The following CEP112 variants were observed in gnomAD, a reference collection of about 807,000 sequenced individuals.
CEP112 encodes the protein centrosomal protein of 112 kDa.
Under a neutral mutation model 153.0 loss-of-function variants are expected in CEP112, and 127 were observed. The ratio of observed to expected loss-of-function variants is 0.83; its 90% CI spans 0.72 to 0.96. CEP112 has a LOEUF of 0.96. Among genes scored for constraint, CEP112 ranks in the 40% least tolerant of loss-of-function variants. The pLI is 0.00. For synonymous variants in CEP112, 358 were observed against 374.4 expected (o/e 0.96, Z 0.51); for missense variants, 1,089 against 1,101.2 (o/e 0.99, Z 0.16).
intron 19 of CEP112, among the ~76,000 whole-genome samples, chr17:65,906,632 TCTA>T (rs1020105101): frequency 2.6e-5 from 4 of 152,190 alleles, no homozygotes; most frequent in African/African-American, 9.7e-5. Context: ...CCCATATTAT[TCTA>T]CTATTGGCAA....
At chr17:65,995,556 T>C (rs12939974) in intron 17 of CEP112, among the ~76,000 whole-genome samples, 89,751 of 152,154 alleles carry the variant, frequency 0.59, 27,877 homozygotes, top group African/African-American at 0.73. Context: ...GCTCTTGTTC[T>C]AGGGCCCACC....
At chr17:66,049,985 T>C (rs1220885376) in intron 12 of CEP112, among the ~76,000 whole-genome samples, 1 of 148,398 alleles carries the variant, frequency 6.7e-6, no homozygotes, top group African/African-American at 2.4e-5. Context: ...AAAGAAATAA[T>C]GATTGTAAAT....
At chr17:66,010,949 G>C (rs1245378719) in intron 16 of CEP112, among the ~76,000 whole-genome samples, 2 of 151,966 alleles carry the variant, frequency 1.3e-5, no homozygotes, top group Non-Finnish European at 2.9e-5. Context: ...TAAGGTTTTG[G>C]TATCAGTATG....
In CEP112 at chr17:65,976,735, C is replaced by CTTTTT. The variant is rs771108755; in HGVS notation, c.1737-15142_1737-15138dup. On this transcript the variant is annotated intron_variant, in intron 17 of 26. Coordinates refer to ENST00000535342, the MANE Select transcript of CEP112 (RefSeq NM_001199165.4). ...TTTTAAAGTAAACTTATAACTTTTT[C>CTTTTT]TTTTTTTTTTTTTTTTTTTGAGACA... 4.9e-4 allele frequency among the ~76,000 whole-genome samples: 42 copies of CTTTTT among 85,326 alleles called. 1 individual carries two copies. Among genetic ancestry groups the CTTTTT allele is most frequent in the Non-Finnish European group, 6.9e-4 (30 of 43,706 alleles). The allele number at this position is 85,326 out of a possible 152,430, so 56.0% of individuals were successfully genotyped here. A position where few individuals can be genotyped will look rare whatever the true frequency, so the allele number is the denominator to read the frequency against.
chr17:66,053,961 T>C, intron 11 of CEP112, 82 bp from the exon 12 acceptor site: 4 of 1,097,622 alleles, frequency 3.6e-6, no homozygotes, highest in Non-Finnish European at 5.2e-6. Context: ...ATGGTTTCTA[T>C]ATTCCTCTAT....
intron 21 of CEP112, among the ~76,000 whole-genome samples, chr17:65,831,563 A>G (rs2057081594): frequency 6.6e-6 from 1 of 151,950 alleles, no homozygotes; most frequent in Admixed American, 6.5e-5. Context: ...TCTCAAAAAA[A>G]AAAAAAAAGA....
chr17:66,002,219 T>C (rs1274372444), intron 17 of CEP112, among the ~76,000 whole-genome samples: 1 of 148,800 alleles, frequency 6.7e-6, no homozygotes, highest in African/African-American at 2.4e-5. Flanking sequence ...AGAGTATAAA[T>C]ATCAAGCACA....
At position 65,698,962 on chromosome 17, in the gene CEP112, C is replaced by T. The variant is rs75793139; in HGVS notation, c.2608-9744G>A. On this transcript the variant is annotated intron_variant, in intron 23 of 26. Coordinates refer to ENST00000535342, the MANE Select transcript of CEP112 (RefSeq NM_001199165.4). Reference sequence around the variant, plus strand: ...TCTTACAAAGACTAATTCACACATGCCGTCCCCTGAACCTGCAGTATCATT... The same window carrying T: ...TCTTACAAAGACTAATTCACACATGTCGTCCCCTGAACCTGCAGTATCATT... 7.6e-3 allele frequency among the ~76,000 whole-genome samples: 1,157 copies of T among 152,282 alleles called. 16 individuals carry two copies. Among genetic ancestry groups the T allele is most frequent in the African/African-American group, 0.026 (1,075 of 41,560 alleles).
intron 23 of CEP112, among the ~76,000 whole-genome samples, chr17:65,703,900 A>T (rs2048771183): frequency 6.6e-6 from 1 of 151,874 alleles, no homozygotes; most frequent in Admixed American, 6.6e-5. Flanking sequence ...TAGAATGTGG[A>T]GCCAAAACGA....
intron 21 of CEP112, among the ~76,000 whole-genome samples, chr17:65,850,544 G>A (rs2057893374): frequency 6.6e-6 from 1 of 151,956 alleles, no homozygotes; most frequent in Admixed American, 6.6e-5. Flanking sequence ...CTATATTTTT[G>A]CAACAGCGTT....
At chr17:66,179,145 T>C (rs1002179487) in intron 2 of CEP112, among the ~76,000 whole-genome samples, 1 of 152,182 alleles carries the variant, frequency 6.6e-6, no homozygotes, top group African/African-American at 2.4e-5. Flanking sequence ...AGTTTTATTA[T>C]TTTTGCTCAG....
At chr17:65,809,143 G>A (rs1314375392) in intron 21 of CEP112, among the ~76,000 whole-genome samples, 3 of 152,174 alleles carry the variant, frequency 2.0e-5, no homozygotes, top group Non-Finnish European at 4.4e-5. Flanking sequence ...GATAAGATCT[G>A]AGGGGGGAAA....
At chr17:66,174,382 A>C (rs1311982540) in intron 4 of CEP112, among the ~76,000 whole-genome samples, 1 of 152,230 alleles carries the variant, frequency 6.6e-6, no homozygotes, top group Non-Finnish European at 1.5e-5. Context: ...TTATACTGTT[A>C]ACAGAAACAG....
chr17:66,165,000 T>C (rs1422720228), intron 4 of CEP112, among the ~76,000 whole-genome samples: 1 of 150,894 alleles, frequency 6.6e-6, no homozygotes, highest in Non-Finnish European at 1.5e-5. Flanking sequence ...CAACTAGATG[T>C]TGATCATGGG....
chr17:65,679,441 C>T (rs1297290589), intron 24 of CEP112, among the ~76,000 whole-genome samples: 1 of 152,002 alleles, frequency 6.6e-6, no homozygotes, highest in Admixed American at 6.6e-5. Flanking sequence ...TGTTGCAATT[C>T]CTGTTTTCAT....
intron 18 of CEP112, among the ~76,000 whole-genome samples, chr17:65,945,681 T>C (rs1568273008): frequency 6.6e-6 from 1 of 152,158 alleles, no homozygotes; most frequent in Non-Finnish European, 1.5e-5. Context: ...AGTCTCGCTC[T>C]TGTCCCCCAG....
intron 12 of CEP112, among the ~76,000 whole-genome samples, chr17:66,034,811 G>A (rs907901372): frequency 6.6e-6 from 1 of 150,688 alleles, no homozygotes; most frequent in East Asian, 2.0e-4. Context: ...TTTTGTTTTC[G>A]TTTTTGTTTT....
chr17:65,950,080 TAAA>T (rs1336513606), intron 18 of CEP112, among the ~76,000 whole-genome samples: 1 of 152,142 alleles, frequency 6.6e-6, no homozygotes, highest in Non-Finnish European at 1.5e-5. Flanking sequence ...GACACAGTGT[TAAA>T]ATGATCCTTC....
intron 17 of CEP112, among the ~76,000 whole-genome samples, chr17:65,985,760 C>T (rs1462062786): frequency 4.6e-5 from 7 of 151,840 alleles, no homozygotes; most frequent in Non-Finnish European, 8.8e-5. Flanking sequence ...TTCCACTGCT[C>T]AGGAGGTCAT....
Sources: allele counts gnomAD v4.1 joint callset (sites outside exome capture counted in the v4.1 genomes callset), GRCh38; gene constraint gnomAD v4.1.1; transcripts MANE v1.5; gene names NCBI Gene and HGNC (gene_info 2026-07-23, HGNC 2026-07-21).